Variants in CNBD1 observed in about 807,000 individuals in gnomAD.
The protein encoded by CNBD1 is cyclic nucleotide binding domain containing 1.
Under a neutral mutation model 54.4 loss-of-function variants are expected in CNBD1, and 71 were observed. The ratio of observed to expected loss-of-function variants is 1.30; its 90% confidence interval spans 1.08 to 1.59. The LOEUF is 1.59. Ranked by LOEUF, CNBD1 falls within the 40% of genes most tolerant of loss-of-function variation. The probability of loss-of-function intolerance (pLI) is 0.00; values close to 1 mark genes in which losing one functional copy is unlikely to be tolerated. For synonymous variants in CNBD1, 182 were observed against 170.7 expected (o/e 1.07, Z -0.51); for missense variants, 659 against 518.0 (o/e 1.27, Z -2.64).
intron 2 of CNBD1, among the ~76,000 whole-genome samples, chr8:87,423,140 G>T (rs1221334289): frequency 6.6e-6 from 1 of 152,162 alleles, no homozygotes; most frequent in East Asian, 1.9e-4. Flanking sequence ...CTGAGACTTT[G>T]CTGAAGTTGC....
intron 8 of CNBD1, among the ~76,000 whole-genome samples, chr8:87,327,478 C>A (rs184001494): frequency 5.3e-4 from 81 of 152,312 alleles, no homozygotes; most frequent in African/African-American, 1.8e-3. Context: ...TAGGATACTC[C>A]GAACCAGGTG....
intron 8 of CNBD1, among the ~76,000 whole-genome samples, chr8:87,344,622 C>G (rs142874639): frequency 6.6e-6 from 1 of 151,780 alleles, no homozygotes; most frequent in East Asian, 1.9e-4. Flanking sequence ...CCTGTGTAGA[C>G]TACTTTAATG....
rs1253875434 is a variant in CNBD1, at chr8:87,183,344, GTTTTC to G, written c.432-22644_432-22640del. 6.0e-4 allele frequency among the ~76,000 whole-genome samples: 81 copies of G among 136,006 alleles called. 1 individual carries two copies. Among genetic ancestry groups the G allele is most frequent in the African/African-American group, 2.0e-3 (74 of 36,704 alleles). 89.2% of individuals were successfully genotyped at this position (136,006 alleles called of 152,430 possible). On this transcript the variant is annotated intron_variant, in intron 4 of 10. Coordinates refer to ENST00000518476, the MANE Select transcript of CNBD1 (RefSeq NM_173538.3). The stretch of plus-strand genomic sequence containing the variant: ...CAGGTAGTGTGATACCTTCAGCTTT[GTTTTC>G]TTTTGTTTGTTTGTTTGTTTGTTTT...
chr8:87,404,170 G>A (rs537839822), intron 2 of CNBD1, among the ~76,000 whole-genome samples: 2 of 152,012 alleles, frequency 1.3e-5, no homozygotes, highest in Non-Finnish European at 2.9e-5. Flanking sequence ...ATGTCAGCAA[G>A]TATAAGAGAT....
intron 6 of CNBD1, among the ~76,000 whole-genome samples, chr8:87,282,083 A>T (rs1330965996): frequency 6.6e-6 from 1 of 151,626 alleles, no homozygotes; most frequent in African/African-American, 2.4e-5. Flanking sequence ...TTTTTGTAGG[A>T]AATATCCCTC....
At chr8:87,040,423 CT>C (rs71277911) in intron 4 of CNBD1, among the ~76,000 whole-genome samples, 11,391 of 129,276 alleles carry the variant, frequency 0.088, 448 homozygotes, top group Non-Finnish European at 0.13. Flanking sequence ...AATTCTTTTT[CT>C]TTTTTTTTTT....
intron 10 of CNBD1, among the ~76,000 whole-genome samples, chr8:87,363,866 A>T (rs979067928): frequency 6.6e-6 from 1 of 151,462 alleles, no homozygotes; most frequent in South Asian, 2.1e-4. Context: ...TAATTAGATC[A>T]CATTTGTCAA....
rs192254868 is a variant in CNBD1 at position 87,363,085 on chromosome 8, T to C, written c.1303+9299T>C. Among the ~76,000 whole-genome samples, 207 of 152,164 alleles carry C rather than the reference T, an allele frequency of 1.4e-3. 1 individual carries two copies. Among genetic ancestry groups the C allele is most frequent in the Admixed American group, 0.013 (192 of 15,240 alleles). ...GTTCTCATTGTTCAACTCCCACTTA[T>C]GAGTGGGAACATGAAGTGTTTGGTT... On this transcript the variant is annotated intron_variant, in intron 10 of 10. Coordinates refer to ENST00000518476, the MANE Select transcript of CNBD1 (RefSeq NM_173538.3).
intron 4 of CNBD1, among the ~76,000 whole-genome samples, chr8:87,004,581 G>C (rs1197437314): frequency 1.3e-5 from 2 of 149,162 alleles, no homozygotes. Flanking sequence ...TGAAATCACA[G>C]AGCACAAAAA....
chr8:87,004,712 C>T (rs186088595), intron 4 of CNBD1, among the ~76,000 whole-genome samples: 1 of 151,986 alleles, frequency 6.6e-6, no homozygotes, highest in African/African-American at 2.4e-5. Context: ...AGAAAAATAT[C>T]ATATGCTACA....
intron 2 of CNBD1, among the ~76,000 whole-genome samples, chr8:87,400,758 T>A (rs1173413264): frequency 6.6e-6 from 1 of 151,984 alleles, no homozygotes; most frequent in East Asian, 1.9e-4. Context: ...AAATTACTTA[T>A]CCTCTGAGAT....
chr8:87,090,938 C>G (rs906935884), intron 4 of CNBD1, among the ~76,000 whole-genome samples: 1 of 151,816 alleles, frequency 6.6e-6, no homozygotes, highest in East Asian at 1.9e-4. Context: ...GTCAAGAGTT[C>G]GAGACAAGCC....
intron 10 of CNBD1, among the ~76,000 whole-genome samples, chr8:87,370,940 A>C (rs1349430957): frequency 6.6e-6 from 1 of 150,860 alleles, no homozygotes; most frequent in African/African-American, 2.5e-5. Flanking sequence ...TCAGCTTTCT[A>C]CATATGGCTA....
At chr8:86,951,404 C>G (rs979118512) in intron 4 of CNBD1, among the ~76,000 whole-genome samples, 2 of 151,050 alleles carry the variant, frequency 1.3e-5, no homozygotes, top group South Asian at 2.1e-4. Flanking sequence ...GCCTGGCCCA[C>G]GTGGTGAAAC....
intron 4 of CNBD1, among the ~76,000 whole-genome samples, chr8:87,046,485 T>C (rs1441361782): frequency 2.6e-5 from 4 of 152,136 alleles, no homozygotes; most frequent in Non-Finnish European, 5.9e-5. Context: ...TTAAAAATAA[T>C]AGGTCGGGGA....
intron 3 of CNBD1, among the ~76,000 whole-genome samples, chr8:86,916,506 T>C (rs1809187972): frequency 6.6e-6 from 1 of 152,026 alleles, no homozygotes; most frequent in Admixed American, 6.6e-5. Flanking sequence ...TGAGGCATTC[T>C]TCCCTTACCA....
rs138354423 is a variant in CNBD1 at position 87,394,189 on chromosome 8, T to G, written c.214-34357T>G. On this transcript the variant is annotated intron_variant, in intron 2 of 7. Transcript: ENST00000521593. ...ACTATGGACTATTTAAAATCAGAAT[T>G]GCCTTAAAGCATTACAACCTGCTTA... Among the ~76,000 whole-genome samples the G allele has an allele frequency of 3.9e-3, 587 of 151,984 alleles. 7 individuals are homozygous for G. The highest frequency in any genetic ancestry group is 0.014 in the African/African-American group (563 of 41,532).
intron 4 of CNBD1, among the ~76,000 whole-genome samples, chr8:87,125,477 G>A (rs1027718457): frequency 1.3e-5 from 2 of 151,686 alleles, no homozygotes; most frequent in African/African-American, 4.8e-5. Context: ...ATATGCCCAT[G>A]CATTTATAGT....
intron 4 of CNBD1, among the ~76,000 whole-genome samples, chr8:87,043,635 G>A (rs1238585774): frequency 1.3e-5 from 2 of 152,128 alleles, no homozygotes; most frequent in Non-Finnish European, 2.9e-5. Flanking sequence ...TCATCACATA[G>A]GAGCTGTAGC....
Sources: gnomAD v4.1 joint callset for allele counts (sites outside exome capture counted in the v4.1 genomes callset) on GRCh38, gnomAD v4.1.1 for gene constraint, MANE v1.5 for transcripts, NCBI Gene and HGNC (gene_info 2026-07-23, HGNC 2026-07-21) for gene names.